UBP1: variants seen among roughly 807,000 people sequenced by gnomAD.
The protein encoded by UBP1 is upstream binding protein 1.
A neutral mutation model predicts 76.1 loss-of-function variants in UBP1; 22 were observed. That is an observed-to-expected ratio of 0.29 (90% CI 0.21 to 0.41). UBP1 has a LOEUF of 0.41. Ranked by LOEUF, UBP1 falls within the 10% of genes least tolerant of loss-of-function variation. The pLI, the probability that UBP1 is intolerant of heterozygous loss-of-function variation, is 1.00. For synonymous variants in UBP1, 224 were observed against 237.1 expected (o/e 0.94, Z 0.51); for missense variants, 436 against 668.1 (o/e 0.65, Z 3.83).
intron 3 of UBP1, chr3:33,414,023 A>C (rs999992905): frequency 6.6e-6 from 1 of 152,234 alleles, no homozygotes; most frequent in Non-Finnish European, 1.5e-5. Context: ...TCAGATGAAA[A>C]CAGTATTAGA....
intron 2 of UBP1, among the ~76,000 whole-genome samples, chr3:33,420,733 C>T (rs1053555799): frequency 4.6e-5 from 7 of 152,108 alleles, no homozygotes; most frequent in Non-Finnish European, 8.8e-5. Flanking sequence ...GTGATCCACC[C>T]GCCTCTGCCT....
At chr3:33,397,363 G>A (rs565886913) in intron 11 of UBP1, 1 of 365,430 alleles carries the variant, frequency 2.7e-6, no homozygotes, top group South Asian at 7.5e-5. Flanking sequence ...AAGTCCTGAG[G>A]CTGATGAATC....
chr3:33,430,910 T>G (rs1479679301), intron 1 of UBP1, among the ~76,000 whole-genome samples: 1 of 152,106 alleles, frequency 6.6e-6, no homozygotes, highest in Non-Finnish European at 1.5e-5. Flanking sequence ...TGATTTCTAT[T>G]TTCCTGACTG....
chr3:33,426,076 G>T (rs2045013287), intron 1 of UBP1, among the ~76,000 whole-genome samples: 1 of 135,442 alleles, frequency 7.4e-6, no homozygotes, highest in Non-Finnish European at 1.6e-5. Context: ...TTAAGGTCCA[G>T]ATTCTTTCTA....
chr3:33,438,679 T>C (rs746355274), intron 1 of UBP1, among the ~76,000 whole-genome samples: 2 of 152,156 alleles, frequency 1.3e-5, no homozygotes, highest in Non-Finnish European at 2.9e-5. Context: ...AAGAAATGTC[T>C]CCAACCTTTC....
At chr3:33,412,598 G>C in intron 4 of UBP1, 124 bp downstream of exon 4, 1 of 540,554 alleles carries the variant, frequency 1.8e-6, no homozygotes, top group Non-Finnish European at 3.2e-6. Context: ...AAAAAAAAAA[G>C]ACACAAAATC....
intron 9 of UBP1, 89 bp from the exon 10 acceptor site, chr3:33,401,105 A>T (rs1369677656): frequency 1.6e-6 from 2 of 1,285,066 alleles, no homozygotes; most frequent in Non-Finnish European, 2.1e-6. Context: ...CATTGTAACT[A>T]TGCAAATTTC....
chr3:33,418,362 TC>T (rs2044785139), intron 2 of UBP1, among the ~76,000 whole-genome samples: 1 of 152,068 alleles, frequency 6.6e-6, no homozygotes, highest in Middle Eastern at 3.4e-3. Context: ...CAAGCAATTC[TC>T]CCTGCCTTGG....
rs202068925 is a variant in UBP1 at position 33,402,867 on chromosome 3, T to C, written c.965A>G (p.Asn322Ser). ...PWPDAPTAYV[N>S]NSPSPAPTFT... is the part of the protein sequence containing the mutation. ...AGTGGGCGCTGGGGAAGGGCTGTTA[T>C]TCACATAGGCTGTGGGGGCATCGGG... Residue 322 changes from asparagine (N) to serine (S), a missense_variant, in exon 9 of 16, where the codon AAT (asparagine) becomes AGT (serine). Coordinates refer to ENST00000283629, the MANE Select transcript of UBP1 (RefSeq NM_014517.5). 68 of 1,610,712 alleles carry C rather than the reference T, an allele frequency of 4.2e-5. No individual in the cohort carries two copies. Among genetic ancestry groups the C allele is most frequent in the Non-Finnish European group, 5.2e-5 (61 of 1,178,762 alleles).
intron 8 of UBP1, chr3:33,403,502 ATCTATCTATCTGTCTGTCTGTCTGG>A (rs1236838879): frequency 6.6e-6 from 1 of 151,718 alleles, no homozygotes; most frequent in South Asian, 2.1e-4. Flanking sequence ...CTATCTATCT[ATCTATCTATCTGTCTGTCTGTCTGG>A]TCTGTCTATC....
intron 1 of UBP1, among the ~76,000 whole-genome samples, chr3:33,427,127 C>G (rs1285067758): frequency 6.6e-6 from 1 of 152,166 alleles, no homozygotes; most frequent in African/African-American, 2.4e-5. Context: ...GCCACCACAC[C>G]CAGGTAATTG....
intron 1 of UBP1, among the ~76,000 whole-genome samples, chr3:33,426,040 G>T (rs940230): frequency 0.17 from 7,466 of 44,080 alleles, 761 homozygotes; most frequent in African/African-American, 0.32. Context: ...TATATATATA[G>T]CACTTTAAAA....
chr3:33,390,935 G>A (rs1231072655), intron 15 of UBP1: 1 of 152,024 alleles, frequency 6.6e-6, no homozygotes, highest in Non-Finnish European at 1.5e-5. Context: ...ACAGTAAATT[G>A]AGATTAGAGG....
At chr3:33,429,728 A>T (rs1253249379) in intron 1 of UBP1, among the ~76,000 whole-genome samples, 1 of 152,186 alleles carries the variant, frequency 6.6e-6, no homozygotes, top group East Asian at 1.9e-4. Flanking sequence ...AAGACTTGGA[A>T]ATCACAACAA....
chr3:33,432,309 G>C (rs1243927191), intron 1 of UBP1, among the ~76,000 whole-genome samples: 2 of 152,152 alleles, frequency 1.3e-5, no homozygotes, highest in African/African-American at 2.4e-5. Flanking sequence ...GGGTAACACA[G>C]TGTGACCCTC....
rs1458923959 is a variant in UBP1, at chr3:33,426,568, C to A, written c.114-827G>T. ...CTCCCCTCAAAAAGAAATCCCATAC[C>A]CATTAGTAGTCACTCACCATACTAT... On this transcript the variant is annotated intron_variant, in intron 1 of 15. Transcript: ENST00000283629. Among the ~76,000 whole-genome samples the A allele has an allele frequency of 2.6e-5, 4 of 152,104 alleles. No homozygotes were observed. The East Asian group carries it at 7.7e-4, about 29-fold the overall frequency.
intron 13 of UBP1, among the ~76,000 whole-genome samples, chr3:33,394,413 G>C (rs1314947309): frequency 6.6e-6 from 1 of 151,990 alleles, no homozygotes; most frequent in Non-Finnish European, 1.5e-5. Flanking sequence ...AAAGCTATCT[G>C]TATATGCCCC....
Position 33,422,192 on chromosome 3 carries a change from T to G in UBP1, c.265+3398A>C, listed in dbSNP as rs534665449. Among the ~76,000 whole-genome samples the G allele has an allele frequency of 5.3e-5, 8 of 152,332 alleles. No individual in the cohort carries two copies. The South Asian group carries it at 1.7e-3, about 32-fold the overall frequency. On this transcript the variant is annotated intron_variant, in intron 2 of 15. Transcript: ENST00000283629. The stretch of plus-strand genomic sequence containing the variant: ...GTAGACAAAGAGGTAGGGTGAAAGA[T>G]ACTCAGAAATGTCTCAGTCTGGTCC...
intron 13 of UBP1, 124 bp downstream of exon 13, chr3:33,396,038 C>T: frequency 3.7e-6 from 3 of 809,694 alleles, no homozygotes; most frequent in Non-Finnish European, 5.6e-6. Flanking sequence ...TGTCAAGGCT[C>T]CCACATGAGC....
Sources: gnomAD v4.1 joint callset for allele counts (sites outside exome capture counted in the v4.1 genomes callset) on GRCh38, gnomAD v4.1.1 for gene constraint, MANE v1.5 for transcripts, NCBI Gene and HGNC (gene_info 2026-07-23, HGNC 2026-07-21) for gene names.